The following NAALADL2 variants were observed in gnomAD, a reference collection of about 807,000 sequenced individuals.
The protein encoded by NAALADL2 is N-acetylated alpha-linked acidic dipeptidase like 2.
In NAALADL2, 76 loss-of-function variants were observed where a neutral mutation model predicts 87.2. The observed-to-expected ratio is 0.87, with a 90% CI of 0.72 to 1.05. NAALADL2 has a LOEUF of 1.05. NAALADL2 is among the 50% of genes least tolerant of loss of function. The pLI is 0.00. For missense variants in NAALADL2, 1,089 were observed against 945.8 expected (o/e 1.15, Z -1.99); for synonymous variants, 354 against 331.0 (o/e 1.07, Z -0.75).
At chr3:175,100,692 G>A (rs1328451015) in intron 2 of NAALADL2, among the ~76,000 whole-genome samples, 1 of 152,058 alleles carries the variant, frequency 6.6e-6, no homozygotes, top group African/African-American at 2.4e-5. Flanking sequence ...ACAAAAATTA[G>A]CTGGGCATGG....
At chr3:175,626,179 C>T (rs1191083455) in intron 10 of NAALADL2, among the ~76,000 whole-genome samples, 1 of 151,850 alleles carries the variant, frequency 6.6e-6, no homozygotes, top group African/African-American at 2.4e-5. Flanking sequence ...GTCTTTGTTT[C>T]TATTGGTTCA....
At chr3:175,018,868 A>AC (rs1751200946) in intron 1 of NAALADL2, among the ~76,000 whole-genome samples, 1 of 152,048 alleles carries the variant, frequency 6.6e-6, no homozygotes, top group African/African-American at 2.4e-5. Context: ...GTGACATAGA[A>AC]AAAACAGCAT....
At chr3:175,466,497 A>G (rs1724043425) in intron 7 of NAALADL2, among the ~76,000 whole-genome samples, 1 of 152,180 alleles carries the variant, frequency 6.6e-6, no homozygotes, top group Admixed American at 6.5e-5. Context: ...GAGAGGGCCT[A>G]AAATTTTAAG....
rs1161616113 is a variant in NAALADL2 at position 175,809,509 on chromosome 3, CTTAA to C, written c.*6307_*6310del. Reference sequence around the variant, plus strand: ...GGCAACAAAGTGAGACCCTGTCTCTCTTAAAAAAAAAAAAAAAAAAAAAAAAAAA... The same window carrying C: ...GGCAACAAAGTGAGACCCTGTCTCTCAAAAAAAAAAAAAAAAAAAAAAAAA... On this transcript the variant is annotated 3_prime_UTR_variant, in exon 14 of 14. Transcript: ENST00000454872. 1 of 79,292 alleles carries C rather than the reference CTTAA, an allele frequency of 1.3e-5. No individual in the cohort carries two copies. The highest frequency in any genetic ancestry group is 4.2e-4 in the East Asian group (1 of 2,384). 4.9% of individuals were successfully genotyped at this position (79,292 alleles called of 1,614,324 possible).
intron 6 of NAALADL2, among the ~76,000 whole-genome samples, chr3:175,451,053 G>A (rs1329388150): frequency 6.6e-6 from 1 of 152,038 alleles, no homozygotes; most frequent in East Asian, 1.9e-4. Context: ...CGGAGAAAGA[G>A]AGAGAGAAAA....
At chr3:175,296,248 G>A (rs1173991131) in intron 4 of NAALADL2, among the ~76,000 whole-genome samples, 1 of 152,054 alleles carries the variant, frequency 6.6e-6, no homozygotes, top group Non-Finnish European at 1.5e-5. Context: ...AAATGGCCAG[G>A]GGAGGGGATC....
chr3:175,100,838 CAAAAAAA>C (rs562200946), intron 2 of NAALADL2, among the ~76,000 whole-genome samples: 1 of 69,302 alleles, frequency 1.4e-5, no homozygotes, highest in South Asian at 5.4e-4. Flanking sequence ...GACTCTGTCT[CAAAAAAA>C]AAAAAAAAAA....
chr3:174,844,807 T>C (rs1040121432), intron 3 of NAALADL2, among the ~76,000 whole-genome samples: 2 of 150,742 alleles, frequency 1.3e-5, no homozygotes, highest in Non-Finnish European at 3.0e-5. Context: ...TCCTGCAATT[T>C]TAATGAACTT....
chr3:174,695,232 C>G (rs958187026), intron 2 of NAALADL2, among the ~76,000 whole-genome samples: 1 of 151,834 alleles, frequency 6.6e-6, no homozygotes, highest in Non-Finnish European at 1.5e-5. Flanking sequence ...TATCATGTGT[C>G]GAGAGTCTAT....
chr3:174,615,596 T>G (rs1459933559), intron 2 of NAALADL2, among the ~76,000 whole-genome samples: 1 of 152,104 alleles, frequency 6.6e-6, no homozygotes, highest in Non-Finnish European at 1.5e-5. Flanking sequence ...TGGTTTGCTT[T>G]TCTTAGGGAT....
chr3:175,172,985 G>C (rs1018764311), intron 2 of NAALADL2, among the ~76,000 whole-genome samples: 1 of 151,982 alleles, frequency 6.6e-6, no homozygotes, highest in Non-Finnish European at 1.5e-5. Flanking sequence ...TTCGATGCTG[G>C]TGTCTTTAAA....
chr3:174,646,297 G>A (rs1473322085), intron 2 of NAALADL2, among the ~76,000 whole-genome samples: 1 of 152,068 alleles, frequency 6.6e-6, no homozygotes, highest in Non-Finnish European at 1.5e-5. Flanking sequence ...CCAGGTTTGA[G>A]AAACATTGCT....
At chr3:175,216,309 C>G (rs1291788217) in intron 2 of NAALADL2, among the ~76,000 whole-genome samples, 1 of 152,030 alleles carries the variant, frequency 6.6e-6, no homozygotes. Context: ...ATCTCTTTAG[C>G]CTAATTTTTG....
intron 2 of NAALADL2, among the ~76,000 whole-genome samples, chr3:175,098,508 G>T (rs1025002162): frequency 1.3e-5 from 2 of 152,114 alleles, no homozygotes; most frequent in South Asian, 2.1e-4. Context: ...GGGCAGATAG[G>T]GGGGCATAAC....
At chr3:174,478,481 G>A (rs529222010) in intron 1 of NAALADL2, among the ~76,000 whole-genome samples, 3 of 151,792 alleles carry the variant, frequency 2.0e-5, no homozygotes, top group African/African-American at 7.3e-5. Flanking sequence ...AAATGAGTCA[G>A]TATTAGAAAT....
chr3:174,589,625 G>A (rs1262560521), intron 2 of NAALADL2, among the ~76,000 whole-genome samples: 1 of 152,274 alleles, frequency 6.6e-6, no homozygotes, highest in Admixed American at 6.5e-5. Flanking sequence ...TTAGTTGACT[G>A]AAACATTAGT....
chr3:174,667,508 A>G (rs1726074604), intron 2 of NAALADL2, among the ~76,000 whole-genome samples: 1 of 148,252 alleles, frequency 6.7e-6, no homozygotes, highest in African/African-American at 2.5e-5. Context: ...GGCAGAAATG[A>G]GGTAGAGGTG....
At chr3:175,563,007 T>A (rs1716524190) in intron 9 of NAALADL2, among the ~76,000 whole-genome samples, 1 of 151,892 alleles carries the variant, frequency 6.6e-6, no homozygotes, top group Non-Finnish European at 1.5e-5. Context: ...GTAATGATAA[T>A]TTATAATAAT....
At chr3:174,768,937 T>C (rs1354066355) in intron 3 of NAALADL2, among the ~76,000 whole-genome samples, 1 of 152,062 alleles carries the variant, frequency 6.6e-6, no homozygotes, top group Non-Finnish European at 1.5e-5. Flanking sequence ...GTTAATATAG[T>C]ATGCCTTTAA....
Sources: allele counts gnomAD v4.1 joint callset (sites outside exome capture counted in the v4.1 genomes callset), GRCh38; gene constraint gnomAD v4.1.1; transcripts MANE v1.5; gene names NCBI Gene and HGNC (gene_info 2026-07-23, HGNC 2026-07-21).